MOGS: variants seen among roughly 807,000 people sequenced by gnomAD.
MOGS encodes the protein epididymis secretory sperm binding protein.
Under a neutral mutation model 68.5 loss-of-function variants are expected in MOGS, and 45 were observed. The ratio of observed to expected loss-of-function variants is 0.66; its 90% CI spans 0.52 to 0.84. The LOEUF is 0.84. MOGS is among the 40% of genes least tolerant of loss of function. The pLI is 0.00. For missense variants in MOGS, 1,020 were observed against 1,095.0 expected (o/e 0.93, Z 0.97); for synonymous variants, 492 against 461.2 (o/e 1.07, Z -0.86).
In MOGS at chr2:74,462,659, T is replaced by G. The variant is rs202102671; in HGVS notation, c.1130A>C (p.Gln377Pro). 3 of 1,614,146 alleles carry G rather than the reference T, an allele frequency of 1.9e-6. No homozygotes were observed. The highest frequency in any genetic ancestry group is 1.3e-5 in the African/African-American group (1 of 74,952). Residue 377 changes from glutamine (Q) to proline (P), a missense_variant, in exon 4 of 4, where the codon CAG becomes CCG. Transcript: ENST00000448666. Reference protein sequence around the residue: ...GFRERFEKTFQLKEKGLSSGE... With the variant: ...GFRERFEKTFPLKEKGLSSGE... ...AGAGCTCAGGCCCTTCTCCTTCAGC[T>G]GGAAGGTCTTCTCAAAGCGCTCTCT... is the stretch of plus-strand genomic sequence containing the variant.
At position 74,463,005 on chromosome 2, in the gene MOGS, CATT is replaced by C; in HGVS notation, c.781_783del (p.Asn261del). Reference sequence around the variant, plus strand: ...AGTCCTGGGTTGGAGGTCCAGAAGACATTGTAGCTTGAAGGGGAGAAGATAAAT... The same window carrying C: ...AGTCCTGGGTTGGAGGTCCAGAAGACGTAGCTTGAAGGGGAGAAGATAAAT... On this transcript the variant is annotated inframe_deletion, in exon 4 of 4. Coordinates refer to ENST00000448666, the MANE Select transcript of MOGS (RefSeq NM_006302.3). The C allele has an allele frequency of 6.2e-7, 1 of 1,614,022 alleles. No individual in the cohort carries two copies. The highest frequency in any genetic ancestry group is 1.1e-5 in the South Asian group (1 of 91,084).
At position 74,461,466 on chromosome 2, in the gene MOGS, G is replaced by A; in HGVS notation, c.2323C>T (p.Pro775Ser). The A allele has an allele frequency of 1.2e-6, 2 of 1,614,218 alleles. No homozygotes were observed. The highest frequency in any genetic ancestry group is 8.5e-7 in the Non-Finnish European group (1 of 1,180,052). The stretch of plus-strand genomic sequence containing the variant: ...AGTTTGGCAGCCCGAGCCTGGTGAG[G>A]ACCCTCCAGATGCCCATAGTGGTGG... ...ALHHYGHLEG[P>S]HQARAAKLHG... The change falls in exon 4 of 4, where the codon CCT (proline) becomes TCT (serine). Residue 775 changes from proline (P) to serine (S), a missense_variant. Physicochemically the swap from Pro to Ser is moderately conservative, Grantham distance 74 (BLOSUM62 -1). This residue lies in a region of MOGS where 270 missense variants were observed against 261.3 expected (regional missense o/e 1.03). Transcript: ENST00000448666.
rs1382080803 is a variant in MOGS, at chr2:74,463,307, T to C, written c.659A>G (p.Glu220Gly). 6.2e-7 allele frequency: 1 copy of C among 1,614,190 alleles called. No individual in the cohort carries two copies. The highest frequency in any genetic ancestry group is 8.5e-7 in the Non-Finnish European group (1 of 1,180,038). The change falls in exon 3 of 4, where the codon GAG becomes GGG. Residue 220 changes from glutamate to glycine, a missense_variant. This residue lies in a region of MOGS where 569 missense variants were observed against 571.9 expected (regional missense o/e 0.99). Coordinates refer to ENST00000448666, the MANE Select transcript of MOGS (RefSeq NM_006302.3). ...VTDGKEVLLPEVGAKGQLKFI... is the reference protein window; with the variant it reads ...VTDGKEVLLPGVGAKGQLKFI... ...CTTCAACTGCCCCTTGGCCCCAACC[T>C]CTGGTAGTAGGACTTCCTTGCCATC... is the stretch of plus-strand genomic sequence containing the variant.
chr2:74,463,091 A>G (rs1307499603), intron 3 of MOGS, 79 bp from the exon 4 acceptor site: 2 of 1,610,444 alleles, frequency 1.2e-6, no homozygotes, highest in African/African-American at 2.7e-5. Flanking sequence ...CAAAGTGTTC[A>G]GGAGTCAGGT....
rs1051096008 is a variant in MOGS at position 74,465,349 on chromosome 2, G to C, written c.-102C>G. ...CCCGCCTCTCGCCCTGGCGACCACC[G>C]TCCGGTTAGCGACACCTGCCAGCCA... On this transcript the variant is annotated 5_prime_UTR_variant, in exon 1 of 4. Coordinates refer to ENST00000448666, the MANE Select transcript of MOGS (RefSeq NM_006302.3). 1.5e-6 allele frequency: 1 copy of C among 669,456 alleles called. No homozygotes were observed. Among genetic ancestry groups the C allele is most frequent in the African/African-American group, 1.9e-5 (1 of 52,472 alleles). The allele number at this position is 669,456 out of a possible 1,614,324, so 41.5% of individuals were successfully genotyped here.
At position 74,461,656 on chromosome 2, in the gene MOGS, G is replaced by A. The variant is rs1323952197; in HGVS notation, c.2133C>T (p.Pro711=). ...GGCTGTCGGCTAGAATGTCCAGCAG[G>A]GGCCCAAGGCGGGATGAGGTGGGGT... ...LLDPTSSRLG[P]LLDILADSRH... The change falls in exon 4 of 4, where the codon CCC becomes CCT. Residue 711 remains proline, a synonymous_variant. Coordinates refer to ENST00000448666, the MANE Select transcript of MOGS (RefSeq NM_006302.3). 1.2e-6 allele frequency: 2 copies of A among 1,614,216 alleles called. No individual in the cohort carries two copies. Among genetic ancestry groups the A allele is most frequent in the Non-Finnish European group, 1.7e-6 (2 of 1,180,030 alleles).
In MOGS at chr2:74,462,951, G is replaced by C; in HGVS notation, c.838C>G (p.Arg280Gly). 6.2e-7 allele frequency: 1 copy of C among 1,614,194 alleles called. No individual in the cohort carries two copies. Among genetic ancestry groups the C allele is most frequent in the Non-Finnish European group, 8.5e-7 (1 of 1,180,044 alleles). ...LPLLTEMVKS[R>G]LNSWFQHRPP... is the part of the protein sequence containing the mutation. ...CGATGCTGAAACCAGCTATTTAGGC[G>C]ACTCTTTACCATCTCTGTCAGCAGG... Residue 280 changes from arginine (R) to glycine (G), a missense_variant, in exon 4 of 4, where the codon CGC (arginine) becomes GGC (glycine). By Grantham distance (125) the Arg-to-Gly change is moderately radical. This residue lies in a region of MOGS where 569 missense variants were observed against 571.9 expected (regional missense o/e 0.99). Transcript: ENST00000448666.
Position 74,461,372 on chromosome 2 carries a change from C to T in MOGS, c.2417G>A (p.Trp806Ter), listed in dbSNP as rs764783484. ...WRQYQATGFLWEQYSDRDGRG... is the reference protein window; with the variant it reads ...WRQYQATGFL ...CCCATCGCGGTCACTGTACTGCTCC[C>T]AAAGAAAGCCTGTAGCCTGGTACTG... Residue 806 changes from tryptophan (W) to a stop codon, truncating the protein, a stop_gained, in exon 4 of 4, where the codon TGG (tryptophan) becomes TAG (stop). Coordinates refer to ENST00000448666, the MANE Select transcript of MOGS (RefSeq NM_006302.3). LOFTEE classifies it high-confidence loss of function. The T allele has an allele frequency of 5.6e-6, 9 of 1,614,162 alleles. No individual in the cohort carries two copies. The highest frequency in any genetic ancestry group is 3.4e-6 in the Non-Finnish European group (4 of 1,180,054).
At position 74,461,778 on chromosome 2, in the gene MOGS, CCT is replaced by C; in HGVS notation, c.2009_2010del (p.Gln670ArgfsTer76). 6 of 1,614,192 alleles carry C rather than the reference CCT, an allele frequency of 3.7e-6. No individual in the cohort carries two copies. The highest frequency in any genetic ancestry group is 2.2e-5 in the East Asian group (1 of 44,880). Reference protein sequence around the residue: ...KAVQLKPRPPQGLVRVVGRPQ... With the variant: ...KAVQLKPRPPXGLVRVVGRPQ... ...GGCCGACCCACCACCCGAACGAGCC[CCT>C]GAGGGGGCCTGGGCTTCAGCTGTAC... On this transcript the variant is annotated frameshift_variant, in exon 4 of 4. Coordinates refer to ENST00000448666, the MANE Select transcript of MOGS (RefSeq NM_006302.3). LOFTEE classifies it high-confidence loss of function.
chr2:74,465,184 C>T lies in MOGS; in HGVS notation c.64G>A (p.Ala22Thr). Residue 22 changes from alanine (A) to threonine (T), a missense_variant, in exon 1 of 4, where the codon GCG becomes ACG. Around this residue, in one of 3 missense-constraint regions of MOGS, gnomAD observed 569 missense variants for 571.9 expected, o/e 0.99. Coordinates refer to ENST00000448666, the MANE Select transcript of MOGS (RefSeq NM_006302.3). Reference protein sequence around the residue: ...PAEGVRTAERAARGGPGRRDG... With the variant: ...PAEGVRTAERTARGGPGRRDG... ...CGTCGCCCGGGGCCTCCCCGAGCCG[C>T]CCTCTCGGCTGTCCGCACTCCCTCT... is the stretch of plus-strand genomic sequence containing the variant. 1 of 1,533,684 alleles carries T rather than the reference C, an allele frequency of 6.5e-7. No individual in the cohort carries two copies. The highest frequency in any genetic ancestry group is 8.7e-7 in the Non-Finnish European group (1 of 1,148,454).
In MOGS at chr2:74,461,197, G is replaced by A; in HGVS notation, c.*78C>T. 6.4e-7 allele frequency: 1 copy of A among 1,553,634 alleles called. No homozygotes were observed. The highest frequency in any genetic ancestry group is 8.8e-7 in the Non-Finnish European group (1 of 1,135,090). On this transcript the variant is annotated 3_prime_UTR_variant, in exon 4 of 4. Coordinates refer to ENST00000448666, the MANE Select transcript of MOGS (RefSeq NM_006302.3). ...TTGAATTACTGGTATCCAAGGGGCT[G>A]GGGGCAAAAGCCAGAAGCCTTTGTC...
In MOGS at chr2:74,464,729, G is replaced by T. The variant is rs774362792; in HGVS notation, c.353-7C>A. 1 of 1,608,534 alleles carries T rather than the reference G, an allele frequency of 6.2e-7. No individual in the cohort carries two copies. ...TGCTGCGCCCACATCAGTCCTGGGG[G>T]TAGAATGGCCACGTAAGTCAAAGAG... On this transcript the variant is annotated splice_polypyrimidine_tract_variant and splice_region_variant and intron_variant, in intron 1 of 3. Transcript: ENST00000448666.
chr2:74,461,786 G>A lies in MOGS; in HGVS notation c.2003C>T (p.Pro668Leu), dbSNP rs536491124. 1.6e-5 allele frequency: 26 copies of A among 1,614,214 alleles called. No individual in the cohort carries two copies. In the South Asian group the frequency reaches 2.4e-4, roughly 15 times the overall value. Reference protein sequence around the residue: ...HTKAVQLKPRPPQGLVRVVGR... With the variant: ...HTKAVQLKPRLPQGLVRVVGR... ...CACCACCCGAACGAGCCCCTGAGGG[G>A]GCCTGGGCTTCAGCTGTACTGCTTT... The change falls in exon 4 of 4, where the codon CCC becomes CTC. Residue 668 changes from proline to leucine, a missense_variant. Physicochemically the swap from Pro to Leu is moderately conservative, Grantham distance 98. Around this residue, in one of 3 missense-constraint regions of MOGS, gnomAD observed 270 missense variants for 261.3 expected, o/e 1.03. Coordinates refer to ENST00000448666, the MANE Select transcript of MOGS (RefSeq NM_006302.3).
Position 74,461,530 on chromosome 2 carries a change from A to G in MOGS, c.2259T>C (p.Ala753=), listed in dbSNP as rs1382920591. The change falls in exon 4 of 4, where the codon GCT becomes GCC. Residue 753 remains alanine, a synonymous_variant. Coordinates refer to ENST00000448666, the MANE Select transcript of MOGS (RefSeq NM_006302.3). ...CCAGGTAGTTGACATTGAGCCACACAGCACCCCGCCAGTAGGGGGGATCAT... is the reference window on the plus strand; with the variant it reads ...CCAGGTAGTTGACATTGAGCCACACGGCACCCCGCCAGTAGGGGGGATCAT... ...SEHDPPYWRG[A]VWLNVNYLAL... 1 of 1,614,032 alleles carries G rather than the reference A, an allele frequency of 6.2e-7. No individual in the cohort carries two copies. Among genetic ancestry groups the G allele is most frequent in the East Asian group, 2.2e-5 (1 of 44,882 alleles).
chr2:74,463,663 T>TA (rs1398797678), intron 2 of MOGS: 3 of 203,630 alleles, frequency 1.5e-5, no homozygotes, highest in African/African-American at 7.6e-5. Context: ...TTTAATTCTT[T>TA]TTTTTTTTTT....
At position 74,465,137 on chromosome 2, in the gene MOGS, C is replaced by G; in HGVS notation, c.111G>C (p.Pro37=). The G allele has an allele frequency of 6.5e-7, 1 of 1,533,506 alleles. No individual in the cohort carries two copies. Among genetic ancestry groups the G allele is most frequent in the Non-Finnish European group, 8.7e-7 (1 of 1,145,314 alleles). The allele number at this position is 1,533,506 out of a possible 1,614,324, so 95.0% of individuals were successfully genotyped here. A position where few individuals can be genotyped will look rare whatever the true frequency, so the allele number is the denominator to read the frequency against. ...GAGCCACTCCTCCAGCCGTGCTACG[C>G]GGCCCGCCGCCCCGGCCGTCCCGTC... ...PGRRDGRGGG[P]RSTAGGVALA... is the part of the protein sequence containing the mutation. Residue 37 remains proline, a synonymous_variant, in exon 1 of 4, where the codon CCG becomes CCC. Coordinates refer to ENST00000448666, the MANE Select transcript of MOGS (RefSeq NM_006302.3).
chr2:74,461,784 G>A lies in MOGS; in HGVS notation c.2005C>T (p.Pro669Ser). Residue 669 changes from proline (P) to serine (S), a missense_variant, in exon 4 of 4, where the codon CCT becomes TCT. By Grantham distance (74) the Pro-to-Ser change is moderately conservative. Around this residue, in one of 3 missense-constraint regions of MOGS, gnomAD observed 270 missense variants for 261.3 expected, o/e 1.03. Coordinates refer to ENST00000448666, the MANE Select transcript of MOGS (RefSeq NM_006302.3). ...CCCACCACCCGAACGAGCCCCTGAG[G>A]GGGCCTGGGCTTCAGCTGTACTGCT... is the stretch of plus-strand genomic sequence containing the variant. Reference protein sequence around the residue: ...TKAVQLKPRPPQGLVRVVGRP... With the variant: ...TKAVQLKPRPSQGLVRVVGRP... 6.2e-7 allele frequency: 1 copy of A among 1,614,222 alleles called. No individual in the cohort carries two copies. Among genetic ancestry groups the A allele is most frequent in the East Asian group, 2.2e-5 (1 of 44,890 alleles).
chr2:74,464,759 G>A, intron 1 of MOGS, 37 bp from the exon 2 acceptor site: 1 of 1,595,718 alleles, frequency 6.3e-7, no homozygotes, highest in Non-Finnish European at 8.6e-7. Context: ...AAAGAGCAGG[G>A]GACCTGTCCC....
chr2:74,462,203 T>C lies in MOGS; in HGVS notation c.1586A>G (p.Asp529Gly). 1 of 1,613,544 alleles carries C rather than the reference T, an allele frequency of 6.2e-7. No individual in the cohort carries two copies. Among genetic ancestry groups the C allele is most frequent in the Non-Finnish European group, 8.5e-7 (1 of 1,179,844 alleles). The change falls in exon 4 of 4, where the codon GAC becomes GGC. Residue 529 changes from aspartate (D) to glycine (G), a missense_variant. By Grantham distance (94) the Asp-to-Gly change is moderately conservative. Coordinates refer to ENST00000448666, the MANE Select transcript of MOGS (RefSeq NM_006302.3). ...GGCCTTTCGGAGGAAAGCCAAGTCG[T>C]CAGGGTCACCAACCTCTAGCATATG... Reference protein sequence around the residue: ...VAHMLEVGDPDDLAFLRKALP... With the variant: ...VAHMLEVGDPGDLAFLRKALP...
Sources: gnomAD v4.1 joint callset for allele counts on GRCh38, gnomAD v4.1.1 for gene constraint, gnomAD v4.1.1 regional missense constraint, MANE v1.5 for transcripts, NCBI Gene and HGNC (gene_info 2026-07-23, HGNC 2026-07-21) for gene names.